Variants in GAL3ST2 observed in about 807,000 individuals in gnomAD.
GAL3ST2 encodes the protein beta-galactose-3-O-sulfotransferase 2.
In GAL3ST2, 16 loss-of-function variants were observed where a neutral mutation model predicts 12.9. The ratio of observed to expected loss-of-function variants is 1.24; its 90% CI spans 0.84 to 1.88. The LOEUF is 1.88. Ranked by LOEUF, GAL3ST2 falls within the 40% of genes most tolerant of loss-of-function variation. GAL3ST2 has a pLI of 0.00. For synonymous variants in GAL3ST2, 302 were observed against 273.9 expected (o/e 1.10, Z -1.01); for missense variants, 639 against 571.8 (o/e 1.12, Z -1.20).
At chr2:241,789,244 A>G (rs1212356303) in intron 1 of GAL3ST2, among the ~76,000 whole-genome samples, 1 of 152,138 alleles carries the variant, frequency 6.6e-6, no homozygotes, top group East Asian at 1.9e-4. Context: ...ACTTATATTT[A>G]TCTCATGGCT....
intron 2 of GAL3ST2, among the ~76,000 whole-genome samples, chr2:241,799,717 G>A (rs937042803): frequency 6.6e-6 from 1 of 152,222 alleles, no homozygotes; most frequent in Non-Finnish European, 1.5e-5. Flanking sequence ...CTGGTTGGAG[G>A]AGACAGAGGA....
At position 241,803,763 on chromosome 2, in the gene GAL3ST2, C is replaced by A; in HGVS notation, c.794C>A (p.Ser265Ter). 1.3e-6 allele frequency: 2 copies of A among 1,513,788 alleles called. No individual in the cohort carries two copies. The highest frequency in any genetic ancestry group is 8.8e-7 in the Non-Finnish European group (1 of 1,136,090). 93.8% of individuals were successfully genotyped at this position (1,513,788 alleles called of 1,614,324 possible). ...AGCGCGCGCTCCGTGGCCCGCCTGT[C>A]GCCCGAGACCCGGGAGCGCGCGCGG... ...SRSARSVARL[S>*]PETRERARSW... Residue 265 changes from serine (S) to a stop codon, truncating the protein, a stop_gained, in exon 4 of 4, where the codon TCG (serine) becomes TAG (stop). Transcript: ENST00000192314. LOFTEE classifies it low-confidence loss of function (END_TRUNC).
chr2:241,796,190 G>A (rs1027553714), intron 1 of GAL3ST2, among the ~76,000 whole-genome samples: 30 of 152,168 alleles, frequency 2.0e-4, no homozygotes, highest in Admixed American at 6.5e-4. Flanking sequence ...TGGGGGTTCC[G>A]GTGTGGACTC....
Position 241,803,549 on chromosome 2 carries a change from T to G in GAL3ST2, c.580T>G (p.Trp194Gly). Residue 194 changes from tryptophan to glycine, a missense_variant, in exon 4 of 4, where the codon TGG becomes GGG. Coordinates refer to ENST00000192314, the MANE Select transcript of GAL3ST2 (RefSeq NM_022134.3). ...LRNVYAKNNM[W>G]FDFGFDPNAQ... ...GAACGTCTACGCCAAGAACAACATG[T>G]GGTTCGACTTCGGCTTCGACCCCAA... is the stretch of plus-strand genomic sequence containing the variant. 1 of 1,607,832 alleles carries G rather than the reference T, an allele frequency of 6.2e-7. No individual in the cohort carries two copies. The highest frequency in any genetic ancestry group is 8.5e-7 in the Non-Finnish European group (1 of 1,177,366).
Position 241,804,265 on chromosome 2 carries a change from G to A in GAL3ST2, c.*99G>A. The A allele has an allele frequency of 9.3e-7, 1 of 1,078,246 alleles. No homozygotes were observed. Among genetic ancestry groups the A allele is most frequent in the Middle Eastern group, 3.3e-4 (1 of 3,044 alleles). 66.8% of individuals were successfully genotyped at this position (1,078,246 alleles called of 1,614,324 possible). A position where few individuals can be genotyped will look rare whatever the true frequency, so the allele number is the denominator to read the frequency against. On this transcript the variant is annotated 3_prime_UTR_variant, in exon 4 of 4. Coordinates refer to ENST00000192314, the MANE Select transcript of GAL3ST2 (RefSeq NM_022134.3). Reference sequence around the variant, plus strand: ...TCCTTGCAGGGCTTCTGGGGCGTTGGGAAACCCAGGCCCGCCGGCCACGGC... The same window carrying A: ...TCCTTGCAGGGCTTCTGGGGCGTTGAGAAACCCAGGCCCGCCGGCCACGGC...
chr2:241,776,880 C>T lies in GAL3ST2; in HGVS notation c.-76C>T, dbSNP rs1025575620. 2.5e-5 allele frequency: 32 copies of T among 1,301,554 alleles called. No homozygotes were observed. Among genetic ancestry groups the T allele is most frequent in the African/African-American group, 1.5e-5 (1 of 65,324 alleles). 80.6% of individuals were successfully genotyped at this position (1,301,554 alleles called of 1,614,324 possible). A position where few individuals can be genotyped will look rare whatever the true frequency, so the allele number is the denominator to read the frequency against. ...GCCTGCACCCTGGGGAGCCCAGAGC[C>T]GGCAGGGGCCGAGGCGGTGGGACCT... On this transcript the variant is annotated 5_prime_UTR_variant, in exon 1 of 4. Transcript: ENST00000192314.
intron 1 of GAL3ST2, among the ~76,000 whole-genome samples, chr2:241,798,024 C>G (rs1443500134): frequency 6.6e-6 from 1 of 152,204 alleles, no homozygotes; most frequent in Non-Finnish European, 1.5e-5. Flanking sequence ...ACTGAGGGGA[C>G]ACAGCCCACG....
In GAL3ST2 at chr2:241,800,105, G is replaced by A. The variant is rs1332753722; in HGVS notation, c.119+951G>A. On this transcript the variant is annotated intron_variant, in intron 2 of 3. Transcript: ENST00000192314. This position sits in a 1 kb window ranked among gnomAD's most constrained non-coding sequence, Gnocchi z 5.2. Reference sequence around the variant, plus strand: ...TGGGCCAGAGTGTGTAGCCCCCGAGGGAAACAGGGATGGGTCTGAGGACAC... The same window carrying A: ...TGGGCCAGAGTGTGTAGCCCCCGAGAGAAACAGGGATGGGTCTGAGGACAC... Among the ~76,000 whole-genome samples the A allele has an allele frequency of 1.3e-5, 2 of 152,238 alleles. No individual in the cohort carries two copies. Among genetic ancestry groups the A allele is most frequent in the South Asian group, 2.1e-4 (1 of 4,830 alleles).
intron 1 of GAL3ST2, among the ~76,000 whole-genome samples, chr2:241,789,785 G>T (rs941072350): frequency 7.2e-5 from 11 of 152,068 alleles, no homozygotes; most frequent in African/African-American, 2.2e-4. Flanking sequence ...GTTGGAACCC[G>T]GGAGGCAGAG....
intron 1 of GAL3ST2, among the ~76,000 whole-genome samples, chr2:241,796,754 G>A (rs1433872408): frequency 2.6e-5 from 4 of 152,136 alleles, no homozygotes; most frequent in Admixed American, 2.6e-4. Flanking sequence ...GTAGCTGAGC[G>A]CCCGGGGTAG....
At chr2:241,781,659 C>G (rs774054987) in intron 1 of GAL3ST2, among the ~76,000 whole-genome samples, 1 of 152,124 alleles carries the variant, frequency 6.6e-6, no homozygotes, top group Non-Finnish European at 1.5e-5. Context: ...GGTACACATA[C>G]CAATAACATA....
chr2:241,797,936 A>G (rs942872822), intron 1 of GAL3ST2, among the ~76,000 whole-genome samples: 1 of 152,188 alleles, frequency 6.6e-6, no homozygotes, highest in East Asian at 1.9e-4. Flanking sequence ...TGCCGAGTGC[A>G]GGTGTGGTGT....
intron 1 of GAL3ST2, among the ~76,000 whole-genome samples, chr2:241,778,410 G>A (rs1046120490): frequency 4.6e-5 from 7 of 152,248 alleles, no homozygotes; most frequent in African/African-American, 1.4e-4. Flanking sequence ...CCAGGCCGCC[G>A]GGCAAAGTGC....
At chr2:241,784,417 T>A (rs1699603842) in intron 1 of GAL3ST2, among the ~76,000 whole-genome samples, 1 of 152,176 alleles carries the variant, frequency 6.6e-6, no homozygotes, top group Non-Finnish European at 1.5e-5. Flanking sequence ...CTATGCCAAA[T>A]TTTGACACCT....
chr2:241,800,508 G>A lies in GAL3ST2; in HGVS notation c.120-1273G>A, dbSNP rs1039130119. 3.3e-5 allele frequency among the ~76,000 whole-genome samples: 5 copies of A among 152,310 alleles called. No homozygotes were observed. In the East Asian group the frequency reaches 5.8e-4, roughly 18 times the overall value. On this transcript the variant is annotated intron_variant, in intron 2 of 3. Coordinates refer to ENST00000192314, the MANE Select transcript of GAL3ST2 (RefSeq NM_022134.3). The surrounding 1 kb of genome is among the most constrained non-coding windows in gnomAD (Gnocchi z 5.2). ...GGTGTGTTACTTACTTGTGACCCAC[G>A]TTCACCTTGGGGTGGAGACTGCACA... is the stretch of plus-strand genomic sequence containing the variant.
At position 241,801,928 on chromosome 2, in the gene GAL3ST2, C is replaced by G; in HGVS notation, c.267C>G (p.Arg89=). 1 of 1,613,020 alleles carries G rather than the reference C, an allele frequency of 6.2e-7. No homozygotes were observed. Among genetic ancestry groups the G allele is most frequent in the Non-Finnish European group, 8.5e-7 (1 of 1,179,952 alleles). ...NLSVALPAGS[R]VHLGYPWLFL... Reference sequence around the variant, plus strand: ...CCGTGGCGCTGCCCGCCGGCTCACGCGTCCACCTGGGCTACCCCTGGCTCT... The same window carrying G: ...CCGTGGCGCTGCCCGCCGGCTCACGGGTCCACCTGGGCTACCCCTGGCTCT... The change falls in exon 3 of 4, where the codon CGC becomes CGG. Residue 89 remains arginine, a synonymous_variant. Coordinates refer to ENST00000192314, the MANE Select transcript of GAL3ST2 (RefSeq NM_022134.3). The surrounding 1 kb of genome is among the most constrained non-coding windows in gnomAD (Gnocchi z 4.4).
chr2:241,783,631 T>C (rs1699591452), intron 1 of GAL3ST2, among the ~76,000 whole-genome samples: 1 of 152,270 alleles, frequency 6.6e-6, no homozygotes, highest in Admixed American at 6.5e-5. Context: ...TTCTAAATTA[T>C]GACGTTTGTC....
chr2:241,792,244 G>T (rs553063025), intron 1 of GAL3ST2, among the ~76,000 whole-genome samples: 18 of 151,776 alleles, frequency 1.2e-4, no homozygotes, highest in African/African-American at 3.4e-4. Context: ...TGGTCAGGCT[G>T]GTCTCAAACT....
chr2:241,803,501 T>C lies in GAL3ST2; in HGVS notation c.532T>C (p.Tyr178His), dbSNP rs772215548. The part of the protein sequence containing the change: ...DAFLASPRTF[Y>H]NDSRHLRNVY... Reference sequence around the variant, plus strand: ...GTTCCTGGCCTCGCCGCGGACGTTCTACAACGACAGCCGCCACCTCAGGAA... The same window carrying C: ...GTTCCTGGCCTCGCCGCGGACGTTCCACAACGACAGCCGCCACCTCAGGAA... Residue 178 changes from tyrosine to histidine, a missense_variant, in exon 4 of 4, where the codon TAC (tyrosine) becomes CAC (histidine). Tyr to His is a moderately conservative substitution (Grantham distance 83). Coordinates refer to ENST00000192314, the MANE Select transcript of GAL3ST2 (RefSeq NM_022134.3). 5.6e-6 allele frequency: 9 copies of C among 1,611,432 alleles called. No homozygotes were observed. The highest frequency in any genetic ancestry group is 7.6e-6 in the Non-Finnish European group (9 of 1,179,308).
Sources: gnomAD v4.1 joint callset for allele counts (sites outside exome capture counted in the v4.1 genomes callset) on GRCh38, gnomAD v4.1.1 for gene constraint, Gnocchi (gnomAD v3.1) non-coding constraint, MANE v1.5 for transcripts, NCBI Gene and HGNC (gene_info 2026-07-23, HGNC 2026-07-21) for gene names.